DEPP1: variants seen among roughly 807,000 people sequenced by gnomAD.
The protein encoded by DEPP1 is protein DEPP1.
For missense variants in DEPP1, 267 were observed against 280.1 expected (o/e 0.95, Z 0.33); for synonymous variants, 117 against 113.6 (o/e 1.03, Z -0.19).
chr10:44,978,289 G>T (rs1841541351), intron 1 of DEPP1: 4 of 462,552 alleles, frequency 8.6e-6, no homozygotes, highest in Non-Finnish European at 1.5e-5. Flanking sequence ...ACAGATAAGA[G>T]AACCTAACCT....
In DEPP1 at chr10:44,978,015, G is replaced by A; in HGVS notation, c.16C>T (p.Leu6=). Residue 6 remains leucine, a synonymous_variant, in exon 2 of 2, where the codon CTG becomes TTG. Coordinates refer to ENST00000298295, the MANE Select transcript of DEPP1 (RefSeq NM_007021.4). ...GTGGGCAGATGGGCCACGGAGAGCA[G>A]AAGCCGGGACCTCATCACTCTGGCG... MRSRL[L]LSVAHLPTIR... 6.2e-7 allele frequency: 1 copy of A among 1,610,576 alleles called. No individual in the cohort carries two copies. Among genetic ancestry groups the A allele is most frequent in the South Asian group, 1.1e-5 (1 of 90,824 alleles).
rs200784305 is a variant in DEPP1 at position 44,977,717 on chromosome 10, A to T, written c.314T>A (p.Leu105Gln). ...TLPMADTVDP[L>Q]DWLFGESQEK... ...CTGGGACTCCCCAAAAAGCCAGTCC[A>T]GGGGGTCCACAGTATCAGCCATGGG... Residue 105 changes from leucine (L) to glutamine (Q), a missense_variant, in exon 2 of 2, where the codon CTG becomes CAG. Physicochemically the swap from Leu to Gln is moderately radical, Grantham distance 113. Transcript: ENST00000298295. The T allele has an allele frequency of 3.1e-6, 5 of 1,611,686 alleles. No individual in the cohort carries two copies. The highest frequency in any genetic ancestry group is 4.2e-6 in the Non-Finnish European group (5 of 1,179,190).
rs967625164 is a variant in DEPP1 at position 44,976,298 on chromosome 10, C to T, written c.*1094G>A. ...AACTTTTTCCTTTTAATATGGTTTACATTCTATCTCCAGAGAAAACACACT... is the reference window on the plus strand; with the variant it reads ...AACTTTTTCCTTTTAATATGGTTTATATTCTATCTCCAGAGAAAACACACT... On this transcript the variant is annotated 3_prime_UTR_variant, in exon 2 of 2. Coordinates refer to ENST00000298295, the MANE Select transcript of DEPP1 (RefSeq NM_007021.4). 3 of 152,240 alleles carry T rather than the reference C, an allele frequency of 2.0e-5. No homozygotes were observed. The highest frequency in any genetic ancestry group is 7.2e-5 in the African/African-American group (3 of 41,460). The allele number at this position is 152,240 out of a possible 1,614,324, so 9.4% of individuals were successfully genotyped here. A position where few individuals can be genotyped will look rare whatever the true frequency, so the allele number is the denominator to read the frequency against.
At position 44,977,934 on chromosome 10, in the gene DEPP1, G is replaced by T. The variant is rs780577877; in HGVS notation, c.97C>A (p.Pro33Thr). 6.2e-7 allele frequency: 1 copy of T among 1,612,570 alleles called. No homozygotes were observed. Among genetic ancestry groups the T allele is most frequent in the South Asian group, 1.1e-5 (1 of 91,056 alleles). The change falls in exon 2 of 2, where the codon CCC (proline) becomes ACC (threonine). Residue 33 changes from proline (P) to threonine (T), a missense_variant. Transcript: ENST00000298295. ...ACGTAGTCATCCAGGCTAGGAGAGG[G>T]TGGGGGCTCCTGTCCAGGACCCCCA... ...LLGGPGQEPP[P>T]SPSLDDYVRS...
At position 44,977,380 on chromosome 10, in the gene DEPP1, ACTGGG is replaced by A; in HGVS notation, c.*7_*11del. On this transcript the variant is annotated 3_prime_UTR_variant, in exon 2 of 2. Transcript: ENST00000298295. ...CAGCATGCTCTCTACAGAAGCCTTTACTGGGGAGGGGTCAGAGTTCATGGATCACC... is the reference window on the plus strand; with the variant it reads ...CAGCATGCTCTCTACAGAAGCCTTTAGAGGGGTCAGAGTTCATGGATCACC... 1 of 1,554,936 alleles carries A rather than the reference ACTGGG, an allele frequency of 6.4e-7. No individual in the cohort carries two copies. Among genetic ancestry groups the A allele is most frequent in the Admixed American group, 1.9e-5 (1 of 53,006 alleles).
rs201098879 is a variant in DEPP1, at chr10:44,977,911, G to A, written c.120C>T (p.Tyr40=). The part of the protein sequence containing the change: ...EPPPSPSLDD[Y]VRSISRLAQP... ...GTGCCAGTCGAGATATAGACCTCAC[G>A]TAGTCATCCAGGCTAGGAGAGGGTG... The change falls in exon 2 of 2, where the codon TAC becomes TAT. Residue 40 remains tyrosine, a synonymous_variant. Transcript: ENST00000298295. The A allele has an allele frequency of 7.7e-5, 124 of 1,612,634 alleles. No homozygotes were observed. Among genetic ancestry groups the A allele is most frequent in the South Asian group, 1.5e-4 (14 of 91,044 alleles).
chr10:44,978,228 G>A (rs897377495), intron 1 of DEPP1, 173 bp from the exon 2 acceptor site: 1 of 577,942 alleles, frequency 1.7e-6, no homozygotes, highest in Non-Finnish European at 3.0e-6. Flanking sequence ...TCCTGTTCAG[G>A]TTAAAAACCC....
chr10:44,977,676 G>A lies in DEPP1; in HGVS notation c.355C>T (p.Gln119Ter). Reference protein sequence around the residue: ...FGESQEKQPSQRDLPRRTGPS... With the variant: ...FGESQEKQPS ...CCAGTCCTCCTTGGCAGGTCCCTCTGGCTTGGCTGCTTTTCCTGGGACTCC... is the reference window on the plus strand; with the variant it reads ...CCAGTCCTCCTTGGCAGGTCCCTCTAGCTTGGCTGCTTTTCCTGGGACTCC... The change falls in exon 2 of 2, where the codon CAG (glutamine) becomes TAG (stop). Residue 119 changes from glutamine to a stop codon, truncating the protein, a stop_gained. Coordinates refer to ENST00000298295, the MANE Select transcript of DEPP1 (RefSeq NM_007021.4). LOFTEE classifies it low-confidence loss of function (END_TRUNC). The A allele has an allele frequency of 6.2e-7, 1 of 1,612,898 alleles. No homozygotes were observed. Among genetic ancestry groups the A allele is most frequent in the Non-Finnish European group, 8.5e-7 (1 of 1,179,776 alleles).
In DEPP1 at chr10:44,977,643, C is replaced by G; in HGVS notation, c.388G>C (p.Ala130Pro). The change falls in exon 2 of 2, where the codon GCT becomes CCT. Residue 130 changes from alanine (A) to proline (P), a missense_variant. By Grantham distance (27) the Ala-to-Pro change is conservative (BLOSUM62 -1). Transcript: ENST00000298295. ...RDLPRRTGPS[A>P]GLWGPHRQMD... ...TGTCTATGTGGACCCCAGAGGCCAGCAGAGGGGCCAGTCCTCCTTGGCAGG... is the reference window on the plus strand; with the variant it reads ...TGTCTATGTGGACCCCAGAGGCCAGGAGAGGGGCCAGTCCTCCTTGGCAGG... 6.2e-7 allele frequency: 1 copy of G among 1,613,032 alleles called. No individual in the cohort carries two copies. The highest frequency in any genetic ancestry group is 8.5e-7 in the Non-Finnish European group (1 of 1,179,744).
Position 44,976,352 on chromosome 10 carries a change from T to C in DEPP1, c.*1040A>G, listed in dbSNP as rs1216336578. On this transcript the variant is annotated 3_prime_UTR_variant, in exon 2 of 2. Coordinates refer to ENST00000298295, the MANE Select transcript of DEPP1 (RefSeq NM_007021.4). ...CAGAAGACAGAAAACATTTAACAAA[T>C]CCAAAGCAATTAAAAATAGCCACAA... The C allele has an allele frequency of 6.6e-6, 1 of 152,172 alleles. No homozygotes were observed. The highest frequency in any genetic ancestry group is 1.5e-5 in the Non-Finnish European group (1 of 68,046). The allele number at this position is 152,172 out of a possible 1,614,324, so 9.4% of individuals were successfully genotyped here.
Position 44,977,445 on chromosome 10 carries a change from T to C in DEPP1, c.586A>G (p.Ser196Gly), listed in dbSNP as rs778827112. ...AMASRHRPRP[S>G]SVLRTLYSHL... Reference sequence around the variant, plus strand: ...GAGTAGAGTGTTCTGAGGACACTGCTGGGGCGGGGGCGGTGGCGGGAGGCC... The same window carrying C: ...GAGTAGAGTGTTCTGAGGACACTGCCGGGGCGGGGGCGGTGGCGGGAGGCC... The change falls in exon 2 of 2, where the codon AGC becomes GGC. Residue 196 changes from serine (S) to glycine (G), a missense_variant. Ser to Gly is a moderately conservative substitution (Grantham distance 56, BLOSUM62 0). Coordinates refer to ENST00000298295, the MANE Select transcript of DEPP1 (RefSeq NM_007021.4). 69 of 1,611,002 alleles carry C rather than the reference T, an allele frequency of 4.3e-5. No homozygotes were observed. The highest frequency in any genetic ancestry group is 5.5e-5 in the Non-Finnish European group (65 of 1,178,692).
rs1450674820 is a variant in DEPP1 at position 44,978,022 on chromosome 10, G to C, written c.9C>G (p.Ser3=). The C allele has an allele frequency of 6.2e-7, 1 of 1,608,496 alleles. No homozygotes were observed. The highest frequency in any genetic ancestry group is 1.1e-5 in the South Asian group (1 of 90,566). MR[S]RLLLSVAHLP... is the part of the protein sequence containing the mutation. ...GATGGGCCACGGAGAGCAGAAGCCG[G>C]GACCTCATCACTCTGGCGAGAGGAG... Residue 3 remains serine, a synonymous_variant, in exon 2 of 2, where the codon TCC becomes TCG. Coordinates refer to ENST00000298295, the MANE Select transcript of DEPP1 (RefSeq NM_007021.4).
Position 44,977,797 on chromosome 10 carries a change from AGG to A in DEPP1, c.232_233del (p.Pro78CysfsTer22), listed in dbSNP as rs1432049972. 1 of 1,601,034 alleles carries A rather than the reference AGG, an allele frequency of 6.2e-7. No individual in the cohort carries two copies. Among genetic ancestry groups the A allele is most frequent in the East Asian group, 2.2e-5 (1 of 44,644 alleles). ...RPAQACRKGR[P>X]AVSLRDITAR... ...CGGTGATGTCTCGCAGGGACACAGC[AGG>A]GCGGCCCTTCCGGCAGGCCTGGGCT... is the stretch of plus-strand genomic sequence containing the variant. On this transcript the variant is annotated frameshift_variant, in exon 2 of 2. Transcript: ENST00000298295. LOFTEE classifies it low-confidence loss of function (END_TRUNC).
At position 44,977,649 on chromosome 10, in the gene DEPP1, G is replaced by A. The variant is rs565976045; in HGVS notation, c.382C>T (p.Pro128Ser). The A allele has an allele frequency of 6.2e-7, 1 of 1,613,092 alleles. No homozygotes were observed. Among genetic ancestry groups the A allele is most frequent in the South Asian group, 1.1e-5 (1 of 91,078 alleles). ...TGTGGACCCCAGAGGCCAGCAGAGG[G>A]GCCAGTCCTCCTTGGCAGGTCCCTC... ...SQRDLPRRTG[P>S]SAGLWGPHRQ... Residue 128 changes from proline to serine, a missense_variant, in exon 2 of 2, where the codon CCC (proline) becomes TCC (serine). Physicochemically the swap from Pro to Ser is moderately conservative, Grantham distance 74. Coordinates refer to ENST00000298295, the MANE Select transcript of DEPP1 (RefSeq NM_007021.4).
In DEPP1 at chr10:44,977,717, A is replaced by G. The variant is rs200784305; in HGVS notation, c.314T>C (p.Leu105Pro). The G allele has an allele frequency of 1.2e-6, 2 of 1,611,568 alleles. No individual in the cohort carries two copies. The highest frequency in any genetic ancestry group is 2.2e-5 in the East Asian group (1 of 44,860). Residue 105 changes from leucine (L) to proline (P), a missense_variant, in exon 2 of 2, where the codon CTG becomes CCG. By Grantham distance (98) the Leu-to-Pro change is moderately conservative. Transcript: ENST00000298295. ...TLPMADTVDP[L>P]DWLFGESQEK... Reference sequence around the variant, plus strand: ...CTGGGACTCCCCAAAAAGCCAGTCCAGGGGGTCCACAGTATCAGCCATGGG... The same window carrying G: ...CTGGGACTCCCCAAAAAGCCAGTCCGGGGGGTCCACAGTATCAGCCATGGG...
chr10:44,978,199 G>A lies in DEPP1; in HGVS notation c.-25-144C>T, dbSNP rs57320045. ...TCTACAGAGCCCAGACCAGAGCTCC[G>A]ACTGCTGGGATCTTTTCTTCCTGTT... On this transcript the variant is annotated intron_variant, in intron 1 of 1. Transcript: ENST00000298295. 315 of 629,298 alleles carry A rather than the reference G, an allele frequency of 5.0e-4. No homozygotes were observed. The African/African-American group carries it at 5.1e-3, about 10-fold the overall frequency. The allele number at this position is 629,298 out of a possible 1,614,324, so 39.0% of individuals were successfully genotyped here.
chr10:44,978,115 G>T, intron 1 of DEPP1, 60 bp from the exon 2 acceptor site: 1 of 1,477,748 alleles, frequency 6.8e-7, no homozygotes, highest in Non-Finnish European at 9.2e-7. Context: ...GCCCCTCAGC[G>T]TCACCACACT....
At position 44,977,650 on chromosome 10, in the gene DEPP1, G is replaced by T; in HGVS notation, c.381C>A (p.Gly127=). 6.2e-7 allele frequency: 1 copy of T among 1,613,090 alleles called. No homozygotes were observed. Among genetic ancestry groups the T allele is most frequent in the Non-Finnish European group, 8.5e-7 (1 of 1,179,802 alleles). ...GTGGACCCCAGAGGCCAGCAGAGGG[G>T]CCAGTCCTCCTTGGCAGGTCCCTCT... ...PSQRDLPRRT[G]PSAGLWGPHR... is the part of the protein sequence containing the mutation. Residue 127 remains glycine (G), a synonymous_variant, in exon 2 of 2, where the codon GGC becomes GGA. Coordinates refer to ENST00000298295, the MANE Select transcript of DEPP1 (RefSeq NM_007021.4).
rs1207433514 is a variant in DEPP1 at position 44,976,316 on chromosome 10, AAC to A, written c.*1074_*1075del. 6.6e-6 allele frequency: 1 copy of A among 152,258 alleles called. No individual in the cohort carries two copies. Among genetic ancestry groups the A allele is most frequent in the Non-Finnish European group, 1.5e-5 (1 of 68,044 alleles). 9.4% of individuals were successfully genotyped at this position (152,258 alleles called of 1,614,324 possible). On this transcript the variant is annotated 3_prime_UTR_variant, in exon 2 of 2. Transcript: ENST00000298295. ...TGGTTTACATTCTATCTCCAGAGAA[AAC>A]ACACTTAACAGAAGACAGAAAACAT...
Sources: allele counts gnomAD v4.1 joint callset, GRCh38; gene constraint gnomAD v4.1.1; transcripts MANE v1.5; gene names NCBI Gene and HGNC (gene_info 2026-07-23, HGNC 2026-07-21).